The following SEMA3C variants were observed in gnomAD, a reference collection of about 807,000 sequenced individuals.
The protein encoded by SEMA3C is semaphorin 3C, also known as semaphorin-3C.
In SEMA3C, 47 loss-of-function variants were observed where a neutral mutation model predicts 89.4. The observed-to-expected ratio is 0.53, with a 90% CI of 0.42 to 0.67. The LOEUF (loss-of-function observed/expected upper bound fraction) is 0.67, where lower values mean the gene tolerates loss of function less well. Among genes scored for constraint, SEMA3C ranks in the 30% least tolerant of loss-of-function variants. SEMA3C has a pLI of 0.00. For missense variants in SEMA3C, 839 were observed against 929.1 expected (o/e 0.90, Z 1.26); for synonymous variants, 310 against 320.2 (o/e 0.97, Z 0.34).
Position 80,749,786 on chromosome 7 carries a change from A to G in SEMA3C, c.1712-758T>C, listed in dbSNP as rs183803814. Among the ~76,000 whole-genome samples, 6 of 152,300 alleles carry G rather than the reference A, an allele frequency of 3.9e-5. No homozygotes were observed. The East Asian group carries it at 1.2e-3, about 29-fold the overall frequency. Reference sequence around the variant, plus strand: ...GAATCCTCACTAATAAAGCAGGAATAATAAGACTCTAGTATGGCTTCTTGA... The same window carrying G: ...GAATCCTCACTAATAAAGCAGGAATGATAAGACTCTAGTATGGCTTCTTGA... On this transcript the variant is annotated intron_variant, in intron 16 of 17. Transcript: ENST00000265361.
chr7:80,747,603 T>C (rs937979667), intron 17 of SEMA3C, among the ~76,000 whole-genome samples: 1 of 152,218 alleles, frequency 6.6e-6, no homozygotes, highest in African/African-American at 2.4e-5. Flanking sequence ...GTAATTATTA[T>C]AATCCATATC....
intron 2 of SEMA3C, among the ~76,000 whole-genome samples, chr7:80,830,635 G>A (rs1221185407): frequency 6.6e-6 from 1 of 152,104 alleles, no homozygotes; most frequent in African/African-American, 2.4e-5. Context: ...GATCATGACA[G>A]CATACAAGAA....
At chr7:80,839,123 TG>T (rs554083948) in intron 2 of SEMA3C, among the ~76,000 whole-genome samples, 2 of 152,172 alleles carry the variant, frequency 1.3e-5, no homozygotes, top group Non-Finnish European at 2.9e-5. Flanking sequence ...CATGAGAGAC[TG>T]AACTGGCAGT....
chr7:80,796,394 T>C (rs1295252600), intron 11 of SEMA3C: 2 of 152,298 alleles, frequency 1.3e-5, no homozygotes, highest in Non-Finnish European at 2.9e-5. Flanking sequence ...TTTTTGTTTT[T>C]GGAGACAAGA....
chr7:80,751,790 G>A (rs1367298138), intron 15 of SEMA3C, among the ~76,000 whole-genome samples: 1 of 152,060 alleles, frequency 6.6e-6, no homozygotes, highest in African/African-American at 2.4e-5. Context: ...TCTGTTTCTA[G>A]ATATATTAAA....
At chr7:80,746,969 T>A (rs914120933) in intron 17 of SEMA3C, among the ~76,000 whole-genome samples, 1 of 151,966 alleles carries the variant, frequency 6.6e-6, no homozygotes, top group Non-Finnish European at 1.5e-5. Flanking sequence ...TGAGCTTTTA[T>A]CATTTGTCTT....
chr7:80,899,566 A>T (rs1388834439), intron 2 of SEMA3C, among the ~76,000 whole-genome samples: 1 of 152,052 alleles, frequency 6.6e-6, no homozygotes, highest in Admixed American at 6.6e-5. Context: ...TTCTTATAAG[A>T]ACTTTTGCTT....
chr7:80,785,964 C>A (rs1024887291), intron 12 of SEMA3C, among the ~76,000 whole-genome samples: 5 of 152,144 alleles, frequency 3.3e-5, no homozygotes, highest in African/African-American at 1.2e-4. Flanking sequence ...AAATTGAAAT[C>A]ATTGTTTAAA....
At chr7:80,858,070 T>G (rs141563624) in intron 2 of SEMA3C, among the ~76,000 whole-genome samples, 11 of 152,252 alleles carry the variant, frequency 7.2e-5, no homozygotes, top group African/African-American at 2.6e-4. Flanking sequence ...ACCTTAATAT[T>G]TTTATGTGTC....
intron 2 of SEMA3C, among the ~76,000 whole-genome samples, chr7:80,837,613 C>T (rs1002583220): frequency 6.6e-6 from 1 of 152,142 alleles, no homozygotes; most frequent in Non-Finnish European, 1.5e-5. Flanking sequence ...TTCAAACTTG[C>T]CTTGCTCCTT....
intron 12 of SEMA3C, among the ~76,000 whole-genome samples, chr7:80,777,244 C>T (rs1171794954): frequency 1.3e-5 from 2 of 152,006 alleles, no homozygotes; most frequent in African/African-American, 4.8e-5. Context: ...TATTCCCTAA[C>T]CTTTCATCCA....
At chr7:80,903,083 T>G (rs900614809) in intron 2 of SEMA3C, among the ~76,000 whole-genome samples, 2 of 152,188 alleles carry the variant, frequency 1.3e-5, no homozygotes, top group Non-Finnish European at 2.9e-5. Flanking sequence ...ATTCATTCAT[T>G]CTTTCACTTT....
At chr7:80,842,244 T>C (rs542216297) in intron 2 of SEMA3C, among the ~76,000 whole-genome samples, 19 of 152,298 alleles carry the variant, frequency 1.2e-4, no homozygotes, top group African/African-American at 4.6e-4. Flanking sequence ...GGCTTTTCAA[T>C]GTATATCCAA....
intron 4 of SEMA3C, 46 bp downstream of exon 4, chr7:80,827,379 T>C (rs1391927802): frequency 1.3e-6 from 2 of 1,482,132 alleles, no homozygotes; most frequent in Non-Finnish European, 1.8e-6. Flanking sequence ...GAAAACCAAA[T>C]ATTTAAGTTA....
intron 2 of SEMA3C, among the ~76,000 whole-genome samples, chr7:80,899,284 G>A (rs368927769): frequency 3.9e-5 from 6 of 152,238 alleles, no homozygotes; most frequent in Admixed American, 6.5e-5. Flanking sequence ...CAGGTAATCC[G>A]CCCATCTTGG....
intron 16 of SEMA3C, among the ~76,000 whole-genome samples, chr7:80,750,467 TATATATAC>T (rs1428413776): frequency 0.06 from 3,652 of 61,182 alleles, 76 homozygotes; most frequent in Non-Finnish European, 0.086. Context: ...TATATATATA[TATATATAC>T]ACACACACAC....
chr7:80,906,705 G>A (rs994409613), intron 2 of SEMA3C, among the ~76,000 whole-genome samples: 2 of 152,116 alleles, frequency 1.3e-5, no homozygotes, highest in African/African-American at 4.8e-5. Flanking sequence ...GATGTCAGAA[G>A]AAATATACCA....
intron 2 of SEMA3C, 92 bp from the exon 3 acceptor site, chr7:80,828,837 A>AC (rs1789942901): frequency 1.0e-6 from 1 of 983,482 alleles, no homozygotes; most frequent in Non-Finnish European, 1.5e-6. Context: ...TATTCCAAAA[A>AC]ATGTCAAGGT....
chr7:80,907,095 C>A (rs544582473), intron 2 of SEMA3C, among the ~76,000 whole-genome samples: 1 of 151,976 alleles, frequency 6.6e-6, no homozygotes, highest in Non-Finnish European at 1.5e-5. Flanking sequence ...GATTTTTACA[C>A]AAAAGTTTTA....
Sources: gnomAD v4.1 joint callset for allele counts (sites outside exome capture counted in the v4.1 genomes callset) on GRCh38, gnomAD v4.1.1 for gene constraint, MANE v1.5 for transcripts, NCBI Gene and HGNC (gene_info 2026-07-23, HGNC 2026-07-21) for gene names.